FER: variants seen among roughly 807,000 people sequenced by gnomAD.
FER encodes the protein tyrosine-protein kinase Fer.
FER carries 63 observed loss-of-function variants against 111.0 expected under a neutral mutation model. That is an observed-to-expected ratio of 0.57 (90% CI 0.46 to 0.70). The LOEUF (loss-of-function observed/expected upper bound fraction) is 0.70. FER is among the 30% of genes least tolerant of loss of function. FER has a pLI of 0.00. For missense variants in FER, 914 were observed against 954.0 expected (o/e 0.96, Z 0.55); for synonymous variants, 327 against 313.9 (o/e 1.04, Z -0.44).
At chr5:108,761,531 C>G (rs1039619029) in intron 1 of FER, among the ~76,000 whole-genome samples, 22 of 152,058 alleles carry the variant, frequency 1.4e-4, no homozygotes, top group Non-Finnish European at 2.8e-4. Flanking sequence ...TCAAAGATCA[C>G]TGATCACAGA....
intron 17 of FER, among the ~76,000 whole-genome samples, chr5:109,162,039 A>T (rs971221044): frequency 6.6e-6 from 1 of 151,962 alleles, no homozygotes; most frequent in Non-Finnish European, 1.5e-5. Flanking sequence ...TGTTGGCCAT[A>T]TGTATGTTGT....
intron 5 of FER, among the ~76,000 whole-genome samples, chr5:108,867,008 C>T (rs1764134364): frequency 6.6e-6 from 1 of 152,094 alleles, no homozygotes; most frequent in African/African-American, 2.4e-5. Context: ...TCAAGTCATT[C>T]AGCACCTAGA....
chr5:109,047,261 T>C (rs1247615099), intron 16 of FER, 63 bp downstream of exon 16: 26 of 939,736 alleles, frequency 2.8e-5, no homozygotes, highest in Non-Finnish European at 4.2e-5. Context: ...TGTTTTTATA[T>C]GTTCGATCTC....
intron 1 of FER, among the ~76,000 whole-genome samples, chr5:108,762,756 C>A (rs1580408132): frequency 6.6e-6 from 1 of 152,118 alleles, no homozygotes; most frequent in African/African-American, 2.4e-5. Flanking sequence ...GCACACAGGC[C>A]TCCTTGTTTT....
chr5:108,897,908 A>G (rs1379068755), intron 10 of FER, 60 bp downstream of exon 10: 27 of 1,365,800 alleles, frequency 2.0e-5, no homozygotes, highest in Middle Eastern at 2.0e-4. Context: ...TAATAAGTGC[A>G]TACAAAAATT....
At chr5:108,989,273 G>C (rs1581532336) in intron 13 of FER, among the ~76,000 whole-genome samples, 1 of 152,062 alleles carries the variant, frequency 6.6e-6, no homozygotes, top group East Asian at 1.9e-4. Flanking sequence ...GATTATGGGA[G>C]TGCATGAAGA....
chr5:108,758,209 G>A (rs1751329847), intron 1 of FER, among the ~76,000 whole-genome samples: 1 of 152,192 alleles, frequency 6.6e-6, no homozygotes, highest in African/African-American at 2.4e-5. Flanking sequence ...CCCCATGTGA[G>A]GATTTAGCTT....
At chr5:108,902,762 A>G (rs1750223641) in intron 10 of FER, among the ~76,000 whole-genome samples, 1 of 152,186 alleles carries the variant, frequency 6.6e-6, no homozygotes, top group Admixed American at 6.5e-5. Context: ...ATTATTTTAT[A>G]TAATAGTTCA....
chr5:108,833,625 A>G (rs1760283927), intron 4 of FER, among the ~76,000 whole-genome samples: 1 of 152,150 alleles, frequency 6.6e-6, no homozygotes, highest in African/African-American at 2.4e-5. Context: ...CTGTAATCCC[A>G]GCACTTTGGG....
intron 14 of FER, among the ~76,000 whole-genome samples, chr5:109,037,915 A>G (rs1480309155): frequency 6.6e-6 from 1 of 152,000 alleles, no homozygotes; most frequent in African/African-American, 2.4e-5. Context: ...GATTGTATAT[A>G]GAATTACAGT....
intron 13 of FER, among the ~76,000 whole-genome samples, chr5:108,992,345 C>T (rs1329708290): frequency 1.3e-5 from 2 of 152,206 alleles, no homozygotes; most frequent in African/African-American, 4.8e-5. Flanking sequence ...TTCTATTCTA[C>T]AAAACCGCCA....
chr5:108,985,158 C>T (rs892639893), intron 13 of FER, among the ~76,000 whole-genome samples: 1 of 152,004 alleles, frequency 6.6e-6, no homozygotes, highest in Non-Finnish European at 1.5e-5. Context: ...CATGGGCTGA[C>T]AGGTCACATG....
intron 16 of FER, among the ~76,000 whole-genome samples, chr5:109,092,047 T>G (rs1431458277): frequency 6.6e-6 from 1 of 151,858 alleles, no homozygotes; most frequent in East Asian, 1.9e-4. Flanking sequence ...GGACACGGCT[T>G]TCAAGGTACC....
intron 17 of FER, among the ~76,000 whole-genome samples, chr5:109,126,722 C>G (rs1179390583): frequency 6.6e-6 from 1 of 152,058 alleles, no homozygotes; most frequent in East Asian, 1.9e-4. Flanking sequence ...TGCTCCTTGT[C>G]ATTATGTAAC....
At chr5:108,931,308 G>T (rs937992785) in intron 10 of FER, among the ~76,000 whole-genome samples, 3 of 151,822 alleles carry the variant, frequency 2.0e-5, no homozygotes, top group African/African-American at 7.3e-5. Flanking sequence ...TTGTTACTCT[G>T]TTTTTTCCAT....
chr5:108,854,766 A>T (rs1250783952), intron 5 of FER, among the ~76,000 whole-genome samples: 1 of 151,970 alleles, frequency 6.6e-6, no homozygotes, highest in Non-Finnish European at 1.5e-5. Flanking sequence ...ATCATGGTGA[A>T]ACCGTGTCTC....
intron 9 of FER, among the ~76,000 whole-genome samples, chr5:108,887,866 G>T (rs1747414558): frequency 6.6e-6 from 1 of 151,732 alleles, no homozygotes; most frequent in Non-Finnish European, 1.5e-5. Flanking sequence ...ATGACTTGGT[G>T]GCATAAAGAG....
intron 13 of FER, among the ~76,000 whole-genome samples, chr5:108,965,706 A>G (rs75370213): frequency 0.042 from 6,391 of 152,216 alleles, 164 homozygotes; most frequent in South Asian, 0.054. Flanking sequence ...ATAAATCATA[A>G]TCTCTACTAT....
chr5:108,798,516 G>GC, intron 3 of FER, 127 bp downstream of exon 3: 1 of 801,758 alleles, frequency 1.2e-6, no homozygotes, highest in Non-Finnish European at 2.0e-6. Flanking sequence ...CAGTTTTACA[G>GC]AGTATGAAAA....
Sources: gnomAD v4.1 joint callset for allele counts (sites outside exome capture counted in the v4.1 genomes callset) on GRCh38, gnomAD v4.1.1 for gene constraint, MANE v1.5 for transcripts, NCBI Gene and HGNC (gene_info 2026-07-23, HGNC 2026-07-21) for gene names.